The following DPP10 variants were observed in gnomAD, a reference collection of about 807,000 sequenced individuals.
DPP10 encodes inactive dipeptidyl peptidase 10.
In DPP10, 33 loss-of-function variants were observed where a neutral mutation model predicts 120.9. That is an observed-to-expected ratio of 0.27 (90% CI 0.21 to 0.37). The LOEUF (loss-of-function observed/expected upper bound fraction) is 0.37. Among genes scored for constraint, DPP10 ranks in the 10% least tolerant of loss-of-function variants. DPP10 has a pLI of 1.00. For synonymous variants in DPP10, 337 were observed against 326.1 expected (o/e 1.03, Z -0.36); for missense variants, 816 against 942.8 (o/e 0.87, Z 1.76).
At chr2:115,378,100 G>A (rs1444941095) in intron 3 of DPP10, among the ~76,000 whole-genome samples, 1 of 152,134 alleles carries the variant, frequency 6.6e-6, no homozygotes, top group East Asian at 1.9e-4. Context: ...AAAGTAATTG[G>A]TAGCTTGATG....
At chr2:115,810,205 C>T (rs1686483107) in intron 19 of DPP10, among the ~76,000 whole-genome samples, 1 of 150,600 alleles carries the variant, frequency 6.6e-6, no homozygotes, top group African/African-American at 2.4e-5. Context: ...GTGATCTTAA[C>T]TATTTACCAC....
At chr2:115,376,877 G>A (rs1328167639) in intron 3 of DPP10, among the ~76,000 whole-genome samples, 1 of 149,282 alleles carries the variant, frequency 6.7e-6, no homozygotes, top group Non-Finnish European at 1.5e-5. Context: ...CAAAGGACAT[G>A]AACTCATCAT....
intron 1 of DPP10, among the ~76,000 whole-genome samples, chr2:115,217,513 A>C (rs1169695336): frequency 1.3e-5 from 2 of 152,212 alleles, no homozygotes; most frequent in African/African-American, 4.8e-5. Context: ...ATCTTTCCTC[A>C]GAAGCTAGCA....
At chr2:114,912,353 C>G (rs1172077563) in intron 1 of DPP10, among the ~76,000 whole-genome samples, 1 of 152,130 alleles carries the variant, frequency 6.6e-6, no homozygotes, top group African/African-American at 2.4e-5. Flanking sequence ...ACGATGACAT[C>G]TAGCTCTCCA....
At chr2:115,275,538 T>C (rs148635233) in intron 1 of DPP10, among the ~76,000 whole-genome samples, 1,776 of 152,228 alleles carry the variant, frequency 0.012, 23 homozygotes, top group African/African-American at 0.038. Context: ...GTTCACATAC[T>C]AAGAGAAACA....
At chr2:115,474,720 A>G (rs1226575614) in intron 3 of DPP10, among the ~76,000 whole-genome samples, 2 of 93,596 alleles carry the variant, frequency 2.1e-5, no homozygotes, top group East Asian at 3.5e-4. Context: ...CACCCTGACC[A>G]TGTGATAGAA....
chr2:115,705,536 C>G (rs887847894), intron 7 of DPP10, among the ~76,000 whole-genome samples: 2 of 151,846 alleles, frequency 1.3e-5, no homozygotes, highest in East Asian at 3.9e-4. Flanking sequence ...TTGACGAATT[C>G]TATTTCAAGT....
At chr2:114,988,200 C>T (rs947561422) in intron 1 of DPP10, among the ~76,000 whole-genome samples, 1 of 152,134 alleles carries the variant, frequency 6.6e-6, no homozygotes, top group Non-Finnish European at 1.5e-5. Flanking sequence ...TTTTATGTAC[C>T]CAAGAGTTCC....
chr2:114,661,604 A>G (rs1697409042), intron 1 of DPP10, among the ~76,000 whole-genome samples: 1 of 152,180 alleles, frequency 6.6e-6, no homozygotes, highest in Non-Finnish European at 1.5e-5. Context: ...TATTTCATCC[A>G]CATTCATTAG....
chr2:115,224,743 G>A (rs566669291), intron 1 of DPP10, among the ~76,000 whole-genome samples: 3 of 152,024 alleles, frequency 2.0e-5, no homozygotes, highest in African/African-American at 4.8e-5. Flanking sequence ...CGTTATACAA[G>A]GTATATTTAT....
Position 115,627,440 on chromosome 2 carries a change from A to G in DPP10, c.442-62247A>G, listed in dbSNP as rs762582203. Among the ~76,000 whole-genome samples the G allele has an allele frequency of 6.0e-4, 91 of 152,176 alleles. 1 individual carries two copies. The highest frequency in any genetic ancestry group is 2.4e-4 in the Non-Finnish European group (16 of 68,018). ...TGAATAACCAGGGACTGTGGACAGC[A>G]AGATTTATAGTGTCAACAGAGGGAA... On this transcript the variant is annotated intron_variant, in intron 5 of 25. Transcript: ENST00000410059.
chr2:115,478,286 G>A (rs2075217804), intron 3 of DPP10, among the ~76,000 whole-genome samples: 1 of 152,094 alleles, frequency 6.6e-6, no homozygotes, highest in Non-Finnish European at 1.5e-5. Flanking sequence ...TTCAACAAGG[G>A]TATTGAGACC....
intron 13 of DPP10, among the ~76,000 whole-genome samples, chr2:115,776,878 G>T (rs1345988480): frequency 6.6e-6 from 1 of 150,414 alleles, no homozygotes; most frequent in Non-Finnish European, 1.5e-5. Context: ...TTTTTTTAAA[G>T]CTAACTGTAC....
At chr2:114,709,676 T>C (rs1700901965) in intron 1 of DPP10, among the ~76,000 whole-genome samples, 1 of 152,188 alleles carries the variant, frequency 6.6e-6, no homozygotes, top group Admixed American at 6.5e-5. Context: ...TGAAGGGATA[T>C]TATTAGAAAA....
intron 1 of DPP10, among the ~76,000 whole-genome samples, chr2:114,483,274 G>C (rs10207225): frequency 1.3e-5 from 2 of 151,810 alleles, no homozygotes; most frequent in Non-Finnish European, 2.9e-5. Context: ...CGGGGTGGAA[G>C]ATCAAGGAGA....
chr2:115,768,978 G>A (rs1488921543), intron 13 of DPP10, among the ~76,000 whole-genome samples: 2 of 151,714 alleles, frequency 1.3e-5, no homozygotes, highest in East Asian at 1.9e-4. Flanking sequence ...AAAAAGAGGG[G>A]AAAGGTTACT....
chr2:115,791,402 A>G (rs532075361), intron 19 of DPP10, 46 bp downstream of exon 19: 2 of 1,509,086 alleles, frequency 1.3e-6, no homozygotes, highest in Admixed American at 2.0e-5. Context: ...TAAAGATTTT[A>G]TATTTTTGTG....
intron 1 of DPP10, among the ~76,000 whole-genome samples, chr2:114,472,518 G>A (rs1680006759): frequency 6.6e-6 from 1 of 152,170 alleles, no homozygotes; most frequent in South Asian, 2.1e-4. Context: ...TCATTTTAAG[G>A]GGGGTTAGTG....
chr2:114,893,582 C>A (rs1364261863), intron 1 of DPP10, among the ~76,000 whole-genome samples: 3 of 152,048 alleles, frequency 2.0e-5, no homozygotes, highest in Non-Finnish European at 2.9e-5. Context: ...AATAGGAAAC[C>A]CAAACAGATT....
Sources: gnomAD v4.1 joint callset for allele counts (sites outside exome capture counted in the v4.1 genomes callset) on GRCh38, gnomAD v4.1.1 for gene constraint, MANE v1.5 for transcripts, NCBI Gene and HGNC (gene_info 2026-07-23, HGNC 2026-07-21) for gene names.